Variants in BYSL observed in about 807,000 individuals in gnomAD.
The protein encoded by BYSL is bystin like, also known as bystin.
In BYSL, 21 loss-of-function variants were observed where a neutral mutation model predicts 45.4. The ratio of observed to expected loss-of-function variants is 0.46; its 90% confidence interval spans 0.33 to 0.67. BYSL has a LOEUF of 0.67. Ranked by LOEUF, BYSL falls within the 30% of genes least tolerant of loss-of-function variation. The pLI, the probability that BYSL is intolerant of heterozygous loss-of-function variation, is 0.02. For synonymous variants in BYSL, 215 were observed against 231.3 expected (o/e 0.93, Z 0.64); for missense variants, 522 against 578.5 (o/e 0.90, Z 1.00).
the BYSL span, among the ~76,000 whole-genome samples, chr6:41,915,778 C>G: frequency 2.4e-5 from 1 of 42,476 alleles, no homozygotes; most frequent in South Asian, 6.1e-4. Context: ...CAGAGCCAGA[C>G]TCCGTCTCAA....
At chr6:41,919,273 C>T (rs548742429), upstream of BYSL, among the ~76,000 whole-genome samples, 1 of 152,156 alleles carries the variant, frequency 6.6e-6, no homozygotes, top group East Asian at 1.9e-4. Flanking sequence ...CTCTTAACCA[C>T]TAACTAGACT....
chr6:41,919,953 C>T (rs1775417351), upstream of BYSL, among the ~76,000 whole-genome samples: 1 of 152,200 alleles, frequency 6.6e-6, no homozygotes, highest in Non-Finnish European at 1.5e-5. Flanking sequence ...ATTTCCCCTA[C>T]ACATGCTTTT....
upstream of BYSL, among the ~76,000 whole-genome samples, chr6:41,917,174 G>A (rs1775335741): frequency 6.6e-6 from 1 of 152,102 alleles, no homozygotes; most frequent in Non-Finnish European, 1.5e-5. Context: ...GGTCAAGGCG[G>A]GTGGATCACG....
intron 1 of BYSL, among the ~76,000 whole-genome samples, chr6:41,924,498 T>G (rs1561943473): frequency 6.6e-6 from 1 of 152,236 alleles, no homozygotes; most frequent in Non-Finnish European, 1.5e-5. Context: ...GAATGTAAGC[T>G]GTATAGAACA....
upstream of BYSL, chr6:41,917,026 A>C: frequency 2.8e-4 from 393 of 1,402,966 alleles, no homozygotes; most frequent in Non-Finnish European, 3.4e-4. Context: ...ATCACAGCTC[A>C]TCAGGGCCAA....
At chr6:41,915,397 G>A in the BYSL span, among the ~76,000 whole-genome samples, 13 of 152,358 alleles carry the variant, frequency 8.5e-5, 1 homozygote, top group East Asian at 2.3e-3. Context: ...AGGAGGCTAA[G>A]GTGGGAGGAT....
At chr6:41,909,513 C>A in the BYSL span, 1 of 1,614,092 alleles carries the variant, frequency 6.2e-7, no homozygotes, top group South Asian at 1.1e-5. Flanking sequence ...CATCAGCTTC[C>A]CGGTCTGACC....
chr6:41,930,518 A>T, intron 3 of BYSL, 117 bp from the exon 4 acceptor site: 1 of 1,374,342 alleles, frequency 7.3e-7, no homozygotes, highest in Non-Finnish European at 9.8e-7. Context: ...ACCTCCTTAT[A>T]GGTTATTGTG....
the BYSL span, among the ~76,000 whole-genome samples, chr6:41,914,446 A>T: frequency 6.6e-6 from 1 of 152,202 alleles, no homozygotes; most frequent in Non-Finnish European, 1.5e-5. Flanking sequence ...GTGGCATGGA[A>T]ACAGTAACAG....
chr6:41,927,308 G>A, intron 1 of BYSL, 66 bp from the exon 2 acceptor site: 1 of 1,582,980 alleles, frequency 6.3e-7, no homozygotes, highest in South Asian at 1.1e-5. Flanking sequence ...AATGGCTAAA[G>A]TTAAACTGAC....
intron 4 of BYSL, among the ~76,000 whole-genome samples, chr6:41,931,099 C>CTA (rs1355324234): frequency 8.5e-5 from 7 of 82,248 alleles, no homozygotes; most frequent in Non-Finnish European, 1.3e-4. Flanking sequence ...AAGTCTGTGA[C>CTA]TGCCCAGGCA....
Position 41,928,686 on chromosome 6 carries a change from G to C in BYSL, c.431+1150G>C, listed in dbSNP as rs77111822. Reference sequence around the variant, plus strand: ...GATCCACATGAATTCAACAATCAGAGGCCATTTAGTTTGGGGGCACATTAT... The same window carrying C: ...GATCCACATGAATTCAACAATCAGACGCCATTTAGTTTGGGGGCACATTAT... On this transcript the variant is annotated intron_variant, in intron 2 of 6. Coordinates refer to ENST00000230340, the MANE Select transcript of BYSL (RefSeq NM_004053.4). 6.3e-3 allele frequency among the ~76,000 whole-genome samples: 952 copies of C among 152,276 alleles called. 8 individuals are homozygous for C. Among genetic ancestry groups the C allele is most frequent in the African/African-American group, 0.02 (832 of 41,546 alleles).
intron 4 of BYSL, among the ~76,000 whole-genome samples, 175 bp from the exon 5 acceptor site, chr6:41,931,219 TTC>T (rs567268908): frequency 8.3e-6 from 1 of 120,276 alleles, no homozygotes; most frequent in Non-Finnish European, 1.8e-5. Flanking sequence ...GCCCCTCCTA[TTC>T]TCTCTCTAAG....
In BYSL at chr6:41,927,361, T is replaced by G. The variant is rs779362131; in HGVS notation, c.269-13T>G. The G allele has an allele frequency of 4.3e-6, 7 of 1,613,184 alleles. No homozygotes were observed. The African/African-American group carries it at 9.4e-5, about 22-fold the overall frequency. ...TTTTGCTGTGCTCATCCATTTAGTC[T>G]CCCCTCTTCTAGGTCCAAGAATGCC... On this transcript the variant is annotated splice_polypyrimidine_tract_variant and intron_variant, in intron 1 of 6. Coordinates refer to ENST00000230340, the MANE Select transcript of BYSL (RefSeq NM_004053.4).
In BYSL at chr6:41,921,577, G is replaced by C; in HGVS notation, c.15G>C (p.Lys5Asn). 6.3e-7 allele frequency: 1 copy of C among 1,576,112 alleles called. No individual in the cohort carries two copies. The highest frequency in any genetic ancestry group is 1.7e-4 in the Middle Eastern group (1 of 5,840). Reference sequence around the variant, plus strand: ...TTTCGAGAAAAATGCCCAAATTCAAGGCGGCCCGTGGGGTGGGGGGTCAGG... The same window carrying C: ...TTTCGAGAAAAATGCCCAAATTCAACGCGGCCCGTGGGGTGGGGGGTCAGG... MPKF[K>N]AARGVGGQEK... The change falls in exon 1 of 7, where the codon AAG becomes AAC. Residue 5 changes from lysine to asparagine, a missense_variant. Lys to Asn is a moderately conservative substitution (Grantham distance 94). Coordinates refer to ENST00000230340, the MANE Select transcript of BYSL (RefSeq NM_004053.4).
At position 41,925,779 on chromosome 6, in the gene BYSL, G is replaced by A. The variant is rs185221024; in HGVS notation, c.269-1595G>A. Among the ~76,000 whole-genome samples the A allele has an allele frequency of 3.2e-3, 481 of 152,038 alleles. 5 individuals are homozygous for A. Among genetic ancestry groups the A allele is most frequent in the African/African-American group, 0.011 (448 of 41,454 alleles). On this transcript the variant is annotated intron_variant, in intron 1 of 6. Coordinates refer to ENST00000230340, the MANE Select transcript of BYSL (RefSeq NM_004053.4). ...CACCTCACCTCAACCTCCACCTCCC[G>A]GGTTCAAGCGATTCTCATGCCTCAG...
chr6:41,929,589 AAGATT>A (rs1179364723), intron 2 of BYSL, among the ~76,000 whole-genome samples: 1 of 152,238 alleles, frequency 6.6e-6, no homozygotes, highest in Non-Finnish European at 1.5e-5. Flanking sequence ...TCATTAAGAT[AAGATT>A]ATGTTTGATA....
upstream of BYSL, among the ~76,000 whole-genome samples, chr6:41,918,953 C>CAAAA (rs36153208): frequency 7.9e-5 from 6 of 76,202 alleles, no homozygotes; most frequent in African/African-American, 3.3e-4. Context: ...GACTCCGTCT[C>CAAAA]AAAAAAAAAA....
chr6:41,921,145 A>C, upstream of BYSL: 3 of 1,275,532 alleles, frequency 2.4e-6, no homozygotes, highest in Non-Finnish European at 3.3e-6. Context: ...AATACGTAAA[A>C]ACAGAGCGCC....
Sources: gnomAD v4.1 joint callset for allele counts (sites outside exome capture counted in the v4.1 genomes callset) on GRCh38, gnomAD v4.1.1 for gene constraint, MANE v1.5 for transcripts, NCBI Gene and HGNC (gene_info 2026-07-23, HGNC 2026-07-21) for gene names.